Variants in WIF1 observed in about 807,000 individuals in gnomAD.
WIF1 encodes the protein Wnt inhibitory factor 1.
In WIF1, 35 loss-of-function variants were observed where a neutral mutation model predicts 53.5. That is an observed-to-expected ratio of 0.65 (90% CI 0.50 to 0.87). The LOEUF is 0.87. Among genes scored for constraint, WIF1 ranks in the 40% least tolerant of loss-of-function variants. The probability of loss-of-function intolerance (pLI) is 0.00; values close to 1 mark genes in which losing one functional copy is unlikely to be tolerated. For missense variants in WIF1, 467 were observed against 476.8 expected, an observed-to-expected ratio of 0.98 and a Z score of 0.19; for synonymous variants, 171 against 170.4, an observed-to-expected ratio of 1.00 and a Z score of -0.03.
At chr12:65,097,247 A>C (rs1416949147) in intron 2 of WIF1, among the ~76,000 whole-genome samples, 1 of 152,172 alleles carries the variant, frequency 6.6e-6, no homozygotes, top group Non-Finnish European at 1.5e-5. Context: ...CTAGATGAAC[A>C]ACCTAGACAT....
chr12:65,089,314 C>T (rs191499692), intron 2 of WIF1, among the ~76,000 whole-genome samples: 2 of 152,214 alleles, frequency 1.3e-5, no homozygotes, highest in East Asian at 3.9e-4. Context: ...TCCACAAATT[C>T]TCATTGATTT....
intron 7 of WIF1, among the ~76,000 whole-genome samples, chr12:65,057,999 C>T (rs1023366338): frequency 6.6e-6 from 1 of 152,128 alleles, no homozygotes. Context: ...CCGTTAGACA[C>T]TGAGGTTTTT....
At chr12:65,120,671 C>T in intron 1 of WIF1, 115 bp from the exon 2 acceptor site, 1 of 1,233,036 alleles carries the variant, frequency 8.1e-7, no homozygotes, top group Non-Finnish European at 1.1e-6. Flanking sequence ...TGTTCACAAG[C>T]ATCTGCCTTC....
chr12:65,068,982 G>A, intron 3 of WIF1, 78 bp from the exon 4 acceptor site: 1 of 1,509,292 alleles, frequency 6.6e-7, no homozygotes, highest in Middle Eastern at 1.8e-4. Context: ...TGGGAACCAA[G>A]AGTCAAAGGA....
intron 3 of WIF1, among the ~76,000 whole-genome samples, chr12:65,076,274 G>A (rs1178567090): frequency 6.6e-6 from 1 of 151,804 alleles, no homozygotes; most frequent in Non-Finnish European, 1.5e-5. Flanking sequence ...TGGGCACAAG[G>A]AATCCTCCCC....
rs184219248 is a variant in WIF1 at position 65,050,937 on chromosome 12, A to C, written c.*412T>G. The C allele has an allele frequency of 4.3e-6, 1 of 230,284 alleles. No individual in the cohort carries two copies. Among genetic ancestry groups the C allele is most frequent in the Admixed American group, 5.7e-5 (1 of 17,676 alleles). 14.3% of individuals were successfully genotyped at this position (230,284 alleles called of 1,614,324 possible). On this transcript the variant is annotated 3_prime_UTR_variant, in exon 10 of 10. Transcript: ENST00000286574. ...ACAAACATCTAAATATCTGACAATA[A>C]AATCTGAAATGCTGTAACTTCAACA...
chr12:65,088,214 T>G (rs1277185339), intron 2 of WIF1, among the ~76,000 whole-genome samples: 1 of 152,176 alleles, frequency 6.6e-6, no homozygotes, highest in African/African-American at 2.4e-5. Context: ...TCTCCCTTCT[T>G]GTACACACAA....
At position 65,065,494 on chromosome 12, in the gene WIF1, A is replaced by T. The variant is rs116097081; in HGVS notation, c.730+1147T>A. ...TAAAATCACATAACTGTAGGAAAGT[A>T]CTTTGTACATCATAAAAGAGTAAAC... On this transcript the variant is annotated intron_variant, in intron 6 of 9. Transcript: ENST00000286574. Among the ~76,000 whole-genome samples the T allele has an allele frequency of 5.2e-3, 796 of 152,294 alleles. 7 individuals are homozygous for T. Among genetic ancestry groups the T allele is most frequent in the African/African-American group, 0.017 (719 of 41,562 alleles).
At chr12:65,051,603 G>A (rs890004329) in intron 9 of WIF1, 133 bp from the exon 10 acceptor site, 5 of 1,134,554 alleles carry the variant, frequency 4.4e-6, no homozygotes, top group Non-Finnish European at 5.8e-6. Context: ...ACCACAAAAA[G>A]CTACCTGAAT....
chr12:65,116,622 C>T (rs904618912), intron 2 of WIF1, among the ~76,000 whole-genome samples: 2 of 151,182 alleles, frequency 1.3e-5, no homozygotes, highest in East Asian at 3.9e-4. Flanking sequence ...CTGAAACCAT[C>T]CCCCATCCTG....
chr12:65,053,785 A>C (rs1272180694), intron 9 of WIF1, among the ~76,000 whole-genome samples: 3 of 152,036 alleles, frequency 2.0e-5, no homozygotes, highest in Admixed American at 2.0e-4. Flanking sequence ...CAATATGAAC[A>C]TTGTAAAATA....
intron 2 of WIF1, among the ~76,000 whole-genome samples, chr12:65,111,190 T>C (rs17101043): frequency 0.16 from 24,405 of 152,110 alleles, 2,681 homozygotes; most frequent in African/African-American, 0.31. Context: ...TAAATATTTC[T>C]CTAACCTCCT....
chr12:65,105,266 G>C (rs572081764), intron 2 of WIF1, among the ~76,000 whole-genome samples: 112 of 152,228 alleles, frequency 7.4e-4, no homozygotes, highest in African/African-American at 2.6e-3. Context: ...AAGGAAGTTA[G>C]AGGTACACAT....
intron 2 of WIF1, among the ~76,000 whole-genome samples, chr12:65,104,727 C>G (rs1315805324): frequency 6.6e-6 from 1 of 152,144 alleles, no homozygotes; most frequent in East Asian, 1.9e-4. Context: ...TCCACCCCAC[C>G]ACCTCTTCTT....
chr12:65,062,446 C>T (rs1194306188), intron 7 of WIF1, 35 bp downstream of exon 7: 7 of 1,572,240 alleles, frequency 4.5e-6, no homozygotes, highest in African/African-American at 1.3e-5. Context: ...CTAAGGTCTC[C>T]CCAAGTCAAA....
At chr12:65,075,582 CAT>C (rs1882849062) in intron 3 of WIF1, among the ~76,000 whole-genome samples, 1 of 152,118 alleles carries the variant, frequency 6.6e-6, no homozygotes, top group African/African-American at 2.4e-5. Flanking sequence ...TTCAACTTCT[CAT>C]GTAAGAAAAG....
chr12:65,079,320 G>C (rs182684148), intron 2 of WIF1, among the ~76,000 whole-genome samples: 1 of 151,984 alleles, frequency 6.6e-6, no homozygotes, highest in Admixed American at 6.6e-5. Flanking sequence ...ACAAGAAATA[G>C]AAAGTTTGAA....
intron 2 of WIF1, among the ~76,000 whole-genome samples, chr12:65,096,566 CAT>C (rs1165714180): frequency 6.6e-6 from 1 of 152,162 alleles, no homozygotes; most frequent in East Asian, 1.9e-4. Context: ...CACATGCACA[CAT>C]ATGTTTATTG....
At chr12:65,052,781 G>T (rs57128379) in intron 9 of WIF1, among the ~76,000 whole-genome samples, 4,046 of 152,236 alleles carry the variant, frequency 0.027, 182 homozygotes, top group African/African-American at 0.094. Flanking sequence ...ATCTCCAAGT[G>T]GGGGTGCTGT....
Sources: allele counts gnomAD v4.1 joint callset (sites outside exome capture counted in the v4.1 genomes callset), GRCh38; gene constraint gnomAD v4.1.1; transcripts MANE v1.5; gene names NCBI Gene and HGNC (gene_info 2026-07-23, HGNC 2026-07-21).